The following NCOA2 variants were observed in gnomAD, a reference collection of about 807,000 sequenced individuals.
The protein encoded by NCOA2 is nuclear receptor coactivator 2.
NCOA2 carries 21 observed loss-of-function variants against 145.1 expected under a neutral mutation model. The ratio of observed to expected loss-of-function variants is 0.14; its 90% CI spans 0.10 to 0.21. The LOEUF (loss-of-function observed/expected upper bound fraction) is 0.21, where lower values mean the gene tolerates loss of function less well. Among genes scored for constraint, NCOA2 ranks in the 10% least tolerant of loss-of-function variants. NCOA2 has a pLI of 1.00. For synonymous variants in NCOA2, 619 were observed against 637.5 expected (o/e 0.97, Z 0.44); for missense variants, 1,472 against 1,837.6 (o/e 0.80, Z 3.64).
At chr8:70,428,548 C>T in the NCOA2 span, among the ~76,000 whole-genome samples, 1 of 152,232 alleles carries the variant, frequency 6.6e-6, no homozygotes, top group South Asian at 2.1e-4. Flanking sequence ...TGCTGGAGCC[C>T]AGGAGGTCAA....
intron 1 of NCOA2, among the ~76,000 whole-genome samples, chr8:70,385,768 A>C (rs1812602279): frequency 6.6e-6 from 1 of 152,242 alleles, no homozygotes; most frequent in African/African-American, 2.4e-5. Flanking sequence ...ATTCCAATAG[A>C]ATGTTCCACA....
At chr8:70,214,205 G>A in intron 3 of NCOA2, 130 bp from the exon 4 acceptor site, 1 of 883,902 alleles carries the variant, frequency 1.1e-6, no homozygotes, top group Non-Finnish European at 1.7e-6. Flanking sequence ...AAATACTTTT[G>A]GGGGAAAAAC....
intron 1 of NCOA2, among the ~76,000 whole-genome samples, chr8:70,329,920 C>A (rs769027713): frequency 6.6e-6 from 1 of 152,034 alleles, no homozygotes; most frequent in Non-Finnish European, 1.5e-5. Context: ...GTCACCACAG[C>A]GGTTATCTCT....
At chr8:70,412,411 A>G in the NCOA2 span, among the ~76,000 whole-genome samples, 3 of 148,942 alleles carry the variant, frequency 2.0e-5, no homozygotes, top group South Asian at 6.2e-4. Flanking sequence ...ATATATATAT[A>G]AAATATATAA....
At chr8:70,295,759 T>C (rs1157128557) in intron 2 of NCOA2, among the ~76,000 whole-genome samples, 3 of 152,042 alleles carry the variant, frequency 2.0e-5, no homozygotes, top group Admixed American at 6.6e-5. Context: ...CTGGCCAATA[T>C]GGTGAAACCC....
At chr8:70,433,426 T>C in the NCOA2 span, among the ~76,000 whole-genome samples, 2 of 152,196 alleles carry the variant, frequency 1.3e-5, no homozygotes, top group African/African-American at 2.4e-5. Context: ...ATTCTATATG[T>C]CAAAGGTAGC....
the NCOA2 span, among the ~76,000 whole-genome samples, chr8:70,432,518 C>T: frequency 6.6e-6 from 1 of 152,094 alleles, no homozygotes; most frequent in Admixed American, 6.5e-5. Flanking sequence ...AACAAATTAA[C>T]CAGGCCTAGG....
intron 7 of NCOA2, among the ~76,000 whole-genome samples, chr8:70,166,178 C>T (rs997909882): frequency 2.0e-5 from 3 of 152,156 alleles, no homozygotes; most frequent in Admixed American, 6.5e-5. Flanking sequence ...TTCAAAGAGC[C>T]TAGGATCCCT....
chr8:70,303,789 C>T (rs765575179), intron 1 of NCOA2, among the ~76,000 whole-genome samples: 5 of 151,974 alleles, frequency 3.3e-5, no homozygotes, highest in East Asian at 1.9e-4. Flanking sequence ...AACAGAATTA[C>T]GGCGGAGGGG....
chr8:70,225,365 T>C (rs1820529181), intron 2 of NCOA2, among the ~76,000 whole-genome samples: 1 of 151,680 alleles, frequency 6.6e-6, no homozygotes, highest in South Asian at 2.1e-4. Context: ...ATGACCAACA[T>C]GGTGAAACCC....
At chr8:70,361,136 TC>T (rs1312500889) in intron 1 of NCOA2, among the ~76,000 whole-genome samples, 1 of 152,152 alleles carries the variant, frequency 6.6e-6, no homozygotes, top group East Asian at 1.9e-4. Context: ...CTGATCTTAA[TC>T]TGTTATCATT....
intron 2 of NCOA2, among the ~76,000 whole-genome samples, chr8:70,242,229 A>G (rs1278084548): frequency 3.9e-5 from 6 of 152,146 alleles, no homozygotes; most frequent in Admixed American, 6.6e-5. Context: ...TTCTATCTCA[A>G]CATACTTCTT....
intron 4 of NCOA2, among the ~76,000 whole-genome samples, chr8:70,179,165 CAT>C (rs1384634569): frequency 1.3e-5 from 2 of 152,088 alleles, no homozygotes; most frequent in East Asian, 1.9e-4. Flanking sequence ...AAGAATGAAA[CAT>C]ATGTATTTTC....
chr8:70,147,253 C>G (rs1462451966), intron 12 of NCOA2, among the ~76,000 whole-genome samples: 1 of 152,154 alleles, frequency 6.6e-6, no homozygotes, highest in African/African-American at 2.4e-5. Context: ...CTGCCTCGGC[C>G]TCCCGAGTAG....
chr8:70,283,965 T>C (rs568676582), intron 2 of NCOA2, among the ~76,000 whole-genome samples: 11 of 152,326 alleles, frequency 7.2e-5, no homozygotes, highest in African/African-American at 2.6e-4. Flanking sequence ...AGGTTTACAA[T>C]AACATATTTA....
At chr8:70,367,398 AT>A (rs1468080689) in intron 1 of NCOA2, among the ~76,000 whole-genome samples, 1 of 152,136 alleles carries the variant, frequency 6.6e-6, no homozygotes, top group East Asian at 1.9e-4. Flanking sequence ...AAGTACTACT[AT>A]TTTTTTCCTT....
At chr8:70,307,013 T>C (rs1014624367) in intron 1 of NCOA2, among the ~76,000 whole-genome samples, 3 of 152,170 alleles carry the variant, frequency 2.0e-5, no homozygotes, top group Admixed American at 6.5e-5. Flanking sequence ...GTTGCTTCTA[T>C]TACTGCTTCT....
chr8:70,115,609 C>T lies in NCOA2; in HGVS notation c.4384-1966G>A, dbSNP rs377748038. On this transcript the variant is annotated intron_variant, in intron 22 of 22. Coordinates refer to ENST00000452400, the MANE Select transcript of NCOA2 (RefSeq NM_006540.4). ...TATCACCATCATCATCAACTAAAAG[C>T]CGACCCTATTAGTAATCAATTTTCA... is the stretch of plus-strand genomic sequence containing the variant. Among the ~76,000 whole-genome samples the T allele has an allele frequency of 4.7e-4, 72 of 152,250 alleles. No individual in the cohort carries two copies. In the South Asian group the frequency reaches 0.015, roughly 32 times the overall value.
chr8:70,112,681 A>T lies in NCOA2; in HGVS notation c.*951T>A, dbSNP rs3088092. The T allele has an allele frequency of 0.087, 17,420 of 200,812 alleles. 865 individuals are homozygous for T. The highest frequency in any genetic ancestry group is 0.15 in the East Asian group (1,912 of 13,012). The allele number at this position is 200,812 out of a possible 1,614,324, so 12.4% of individuals were successfully genotyped here. A position where few individuals can be genotyped will look rare whatever the true frequency, so the allele number is the denominator to read the frequency against. On this transcript the variant is annotated 3_prime_UTR_variant, in exon 23 of 23. Coordinates refer to ENST00000452400, the MANE Select transcript of NCOA2 (RefSeq NM_006540.4). The stretch of plus-strand genomic sequence containing the variant: ...TGAAATTCAATACTTAGCAATTGGT[A>T]AGTGGCTGGCAAAACATTTAAGGAA...
Sources: allele counts gnomAD v4.1 joint callset (sites outside exome capture counted in the v4.1 genomes callset), GRCh38; gene constraint gnomAD v4.1.1; transcripts MANE v1.5; gene names NCBI Gene and HGNC (gene_info 2026-07-23, HGNC 2026-07-21).